The following MACROD2 variants were observed in gnomAD, a reference collection of about 807,000 sequenced individuals.
MACROD2 encodes the protein ADP-ribose glycohydrolase MACROD2.
Under a neutral mutation model 70.4 loss-of-function variants are expected in MACROD2, and 36 were observed. That is an observed-to-expected ratio of 0.51 (90% CI 0.39 to 0.68). The LOEUF (loss-of-function observed/expected upper bound fraction) is 0.68, where lower values mean the gene tolerates loss of function less well. Among genes scored for constraint, MACROD2 ranks in the 30% least tolerant of loss-of-function variants. The probability of loss-of-function intolerance (pLI) is 0.00; values close to 1 mark genes in which losing one functional copy is unlikely to be tolerated. For missense variants in MACROD2, 496 were observed against 538.4 expected (o/e 0.92, Z 0.78); for synonymous variants, 172 against 178.8 (o/e 0.96, Z 0.30).
chr20:14,917,630 T>C (rs1386322472), intron 5 of MACROD2, among the ~76,000 whole-genome samples: 1 of 151,620 alleles, frequency 6.6e-6, no homozygotes, highest in Non-Finnish European at 1.5e-5. Context: ...CTACAACAAA[T>C]ACAGGACAAC....
intron 9 of MACROD2, among the ~76,000 whole-genome samples, chr20:15,868,460 A>T (rs1254357605): frequency 6.6e-6 from 1 of 152,202 alleles, no homozygotes; most frequent in Non-Finnish European, 1.5e-5. Flanking sequence ...AATCTCAGAA[A>T]ATATGATCAT....
intron 5 of MACROD2, among the ~76,000 whole-genome samples, chr20:15,024,219 T>C (rs2122975846): frequency 6.6e-6 from 1 of 152,288 alleles, no homozygotes; most frequent in East Asian, 1.9e-4. Context: ...TATGCCATAT[T>C]CTAGGCATTA....
At chr20:15,361,316 A>G (rs1019146834) in intron 6 of MACROD2, among the ~76,000 whole-genome samples, 19 of 152,158 alleles carry the variant, frequency 1.2e-4, no homozygotes, top group African/African-American at 4.1e-4. Context: ...CATTTGTTGA[A>G]AAGGTTATCC....
rs187844264 is a variant in MACROD2 at position 14,599,248 on chromosome 20, G to A, written c.302-85595G>A. 4.3e-3 allele frequency among the ~76,000 whole-genome samples: 662 copies of A among 152,214 alleles called. 1 individual carries two copies. Among genetic ancestry groups the A allele is most frequent in the Admixed American group, 7.7e-3 (118 of 15,292 alleles). On this transcript the variant is annotated intron_variant, in intron 4 of 17. Transcript: ENST00000684519. The stretch of plus-strand genomic sequence containing the variant: ...GGATGCAAAGGCTTCCAGGAGAGAG[G>A]GCACTTCTGTTGTGCCCTATTAAAA...
rs142679025 is a variant in MACROD2 at position 15,580,639 on chromosome 20, T to C, written c.645+80792T>C. Among the ~76,000 whole-genome samples the C allele has an allele frequency of 2.7e-3, 414 of 152,248 alleles. 2 individuals are homozygous for C. The highest frequency in any genetic ancestry group is 9.3e-3 in the African/African-American group (388 of 41,544). On this transcript the variant is annotated intron_variant, in intron 8 of 17. Transcript: ENST00000684519. ...TCAATCTCCAAAATGTAGTGGCCAA[T>C]GGAAAACTTCCTCTTTACCCTCTGA...
intron 5 of MACROD2, among the ~76,000 whole-genome samples, chr20:15,061,392 C>T (rs978410868): frequency 6.6e-6 from 1 of 152,166 alleles, no homozygotes; most frequent in East Asian, 1.9e-4. Context: ...TCAGTGGATA[C>T]CTACCCGAGT....
At chr20:14,266,842 A>G (rs2082148605) in intron 3 of MACROD2, among the ~76,000 whole-genome samples, 1 of 152,198 alleles carries the variant, frequency 6.6e-6, no homozygotes, top group South Asian at 2.1e-4. Context: ...ATTAGTTATC[A>G]GGTCACCCAG....
chr20:15,320,874 C>T (rs1241103982), intron 6 of MACROD2, among the ~76,000 whole-genome samples: 2 of 152,166 alleles, frequency 1.3e-5, no homozygotes, highest in African/African-American at 4.8e-5. Flanking sequence ...CTGATGGTAA[C>T]TCAGTGTCAT....
Position 14,084,426 on chromosome 20 carries a change from A to G in MACROD2, c.164-1195A>G, listed in dbSNP as rs573313020. ...TGTATGAAAGATTTACACATATCATACTTTAAAAAGTTTGAGTTTAATATA... is the reference window on the plus strand; with the variant it reads ...TGTATGAAAGATTTACACATATCATGCTTTAAAAAGTTTGAGTTTAATATA... On this transcript the variant is annotated intron_variant, in intron 2 of 17. Coordinates refer to ENST00000684519, the MANE Select transcript of MACROD2 (RefSeq NM_001351661.2). 1.1e-4 allele frequency among the ~76,000 whole-genome samples: 17 copies of G among 152,340 alleles called. No homozygotes were observed. The Middle Eastern group carries it at 0.01, about 91-fold the overall frequency.
In MACROD2 at chr20:15,295,630, T is replaced by C. The variant is rs867919995; in HGVS notation, c.540+65569T>C. The stretch of plus-strand genomic sequence containing the variant: ...ACACACACACACACACACACACACA[T>C]GCACACACCCCAGACCTTAAGTGTG... On this transcript the variant is annotated intron_variant, in intron 6 of 17. Transcript: ENST00000684519. Among the ~76,000 whole-genome samples, 285 of 106,696 alleles carry C rather than the reference T, an allele frequency of 2.7e-3. 2 individuals carry two copies. The highest frequency in any genetic ancestry group is 8.0e-3 in the African/African-American group (252 of 31,358). The allele number at this position is 106,696 out of a possible 152,430, so 70.0% of individuals were successfully genotyped here.
intron 6 of MACROD2, among the ~76,000 whole-genome samples, chr20:15,430,439 A>G (rs919879541): frequency 9.9e-5 from 15 of 152,004 alleles, no homozygotes; most frequent in Non-Finnish European, 2.1e-4. Flanking sequence ...TATGGTGGGC[A>G]TTATCTTCCT....
chr20:14,232,207 G>T (rs2081820910), intron 3 of MACROD2, among the ~76,000 whole-genome samples: 1 of 9,170 alleles, frequency 1.1e-4, no homozygotes, highest in Non-Finnish European at 3.0e-4. Flanking sequence ...TAGACATGAA[G>T]TCCTTGCCCA....
chr20:14,276,982 A>C (rs1203856686), intron 3 of MACROD2, among the ~76,000 whole-genome samples: 1 of 152,204 alleles, frequency 6.6e-6, no homozygotes, highest in Non-Finnish European at 1.5e-5. Flanking sequence ...TCTCCAAGAC[A>C]CATTAATTCT....
intron 5 of MACROD2, among the ~76,000 whole-genome samples, chr20:15,080,153 A>G (rs925071975): frequency 6.6e-6 from 1 of 151,694 alleles, no homozygotes; most frequent in Non-Finnish European, 1.5e-5. Flanking sequence ...TAAATAAATA[A>G]ATAAATAACA....
At chr20:15,599,914 C>T (rs1430622744) in intron 8 of MACROD2, among the ~76,000 whole-genome samples, 1 of 152,134 alleles carries the variant, frequency 6.6e-6, no homozygotes, top group Non-Finnish European at 1.5e-5. Context: ...AGTATCCAGA[C>T]CTTTTAAATC....
intron 8 of MACROD2, among the ~76,000 whole-genome samples, chr20:15,648,584 G>C (rs568057064): frequency 6.6e-6 from 1 of 152,300 alleles, no homozygotes; most frequent in African/African-American, 2.4e-5. Context: ...GTATAATAGT[G>C]TAACATTAGG....
chr20:15,019,667 A>C (rs2075149269), intron 5 of MACROD2, among the ~76,000 whole-genome samples: 2 of 152,176 alleles, frequency 1.3e-5, no homozygotes, highest in African/African-American at 4.8e-5. Context: ...GTAATGATAC[A>C]GTTAGATGAG....
At chr20:14,519,214 A>C (rs539987280) in intron 4 of MACROD2, among the ~76,000 whole-genome samples, 7 of 152,134 alleles carry the variant, frequency 4.6e-5, no homozygotes, top group Admixed American at 2.6e-4. Flanking sequence ...GCTTGAAAGC[A>C]GGGACAAGGA....
At chr20:14,979,688 TC>T (rs1289722568) in intron 5 of MACROD2, among the ~76,000 whole-genome samples, 1 of 152,214 alleles carries the variant, frequency 6.6e-6, no homozygotes, top group East Asian at 1.9e-4. Context: ...ATCTGCGAGG[TC>T]AGCTAGTTCA....
Sources: allele counts gnomAD v4.1 joint callset (sites outside exome capture counted in the v4.1 genomes callset), GRCh38; gene constraint gnomAD v4.1.1; transcripts MANE v1.5; gene names NCBI Gene and HGNC (gene_info 2026-07-23, HGNC 2026-07-21).